Variants in MPPED1 observed in about 807,000 individuals in gnomAD.
MPPED1 encodes the protein metallophosphoesterase domain-containing protein 1.
Under a neutral mutation model 36.2 loss-of-function variants are expected in MPPED1, and 16 were observed. The observed-to-expected ratio is 0.44, with a 90% confidence interval of 0.30 to 0.67. The LOEUF (loss-of-function observed/expected upper bound fraction) is 0.67, where lower values mean the gene tolerates loss of function less well. Ranked by LOEUF, MPPED1 falls within the 30% of genes least tolerant of loss-of-function variation. The probability of loss-of-function intolerance (pLI) is 0.10; values close to 1 mark genes in which losing one functional copy is unlikely to be tolerated. For missense variants in MPPED1, 307 were observed against 453.4 expected, an observed-to-expected ratio of 0.68 and a Z score of 2.93; for synonymous variants, 199 against 191.3, an observed-to-expected ratio of 1.04 and a Z score of -0.33.
At chr22:43,453,821 T>G (rs1227035936) in intron 3 of MPPED1, among the ~76,000 whole-genome samples, 1 of 152,168 alleles carries the variant, frequency 6.6e-6, no homozygotes, top group African/African-American at 2.4e-5. Flanking sequence ...CATTTTAGTC[T>G]TTTAAAAGTG....
At chr22:43,487,067 C>A (rs893051463) in intron 4 of MPPED1, among the ~76,000 whole-genome samples, 1 of 152,128 alleles carries the variant, frequency 6.6e-6, no homozygotes, top group African/African-American at 2.4e-5. Flanking sequence ...GGGTAGAGCA[C>A]CTGCTTGTTC....
chr22:43,441,513 G>A (rs1017058215), intron 3 of MPPED1, among the ~76,000 whole-genome samples: 1 of 152,192 alleles, frequency 6.6e-6, no homozygotes, highest in African/African-American at 2.4e-5. Flanking sequence ...GTGCCCAGGG[G>A]TGTTTGTTGT....
intron 5 of MPPED1, 76 bp downstream of exon 5, chr22:43,498,426 G>A (rs1932501967): frequency 8.1e-7 from 1 of 1,228,588 alleles, no homozygotes; most frequent in Non-Finnish European, 1.1e-6. Flanking sequence ...GGGGCTGGCT[G>A]GGCCTGTATA....
chr22:43,475,860 G>T (rs1931555526), intron 4 of MPPED1, among the ~76,000 whole-genome samples: 1 of 142,030 alleles, frequency 7.0e-6, no homozygotes, highest in African/African-American at 2.6e-5. Context: ...TGGTGATGAT[G>T]ATGGCGATGC....
intron 3 of MPPED1, among the ~76,000 whole-genome samples, chr22:43,452,277 G>A (rs1420776401): frequency 2.6e-5 from 4 of 152,036 alleles, no homozygotes; most frequent in African/African-American, 9.7e-5. Flanking sequence ...GCCTCCCAAA[G>A]TGCTGGGATT....
chr22:43,452,504 T>C (rs927438540), intron 3 of MPPED1, among the ~76,000 whole-genome samples: 11 of 152,226 alleles, frequency 7.2e-5, no homozygotes, highest in African/African-American at 2.6e-4. Context: ...CAGAACTTAC[T>C]AGGGCCAAGA....
intron 4 of MPPED1, among the ~76,000 whole-genome samples, chr22:43,475,689 GTGA>G (rs1305945306): frequency 8.1e-5 from 11 of 135,804 alleles, no homozygotes; most frequent in East Asian, 4.6e-4. Context: ...TGTGGTGATG[GTGA>G]TGATGGTGGT....
At chr22:43,466,328 G>C (rs1172843399) in intron 3 of MPPED1, among the ~76,000 whole-genome samples, 1 of 152,090 alleles carries the variant, frequency 6.6e-6, no homozygotes, top group African/African-American at 2.4e-5. Flanking sequence ...TATCTGGGGT[G>C]TTGTGGCACC....
chr22:43,469,802 T>C (rs1931304163), intron 3 of MPPED1, among the ~76,000 whole-genome samples: 1 of 152,112 alleles, frequency 6.6e-6, no homozygotes. Flanking sequence ...TAGCTAAGGA[T>C]GGATTGATTG....
intron 5 of MPPED1, among the ~76,000 whole-genome samples, chr22:43,500,379 GTGGTGA>G (rs1932685022): frequency 6.7e-6 from 1 of 150,292 alleles, no homozygotes; most frequent in Non-Finnish European, 1.5e-5. Context: ...GGGGGTGGTG[GTGGTGA>G]TGGTGATGGA....
chr22:43,497,124 A>AGGT (rs1462723777), intron 4 of MPPED1, among the ~76,000 whole-genome samples: 5 of 145,528 alleles, frequency 3.4e-5, no homozygotes, highest in African/African-American at 5.1e-5. Context: ...GTGGTGATGG[A>AGGT]CGTGGTGGTG....
chr22:43,424,897 C>T lies in MPPED1; in HGVS notation c.-78-11C>T, dbSNP rs180936220. The T allele has an allele frequency of 1.1e-5, 17 of 1,524,972 alleles. No homozygotes were observed. The highest frequency in any genetic ancestry group is 9.6e-5 in the African/African-American group (7 of 72,748). 94.5% of individuals were successfully genotyped at this position (1,524,972 alleles called of 1,614,324 possible). A position where few individuals can be genotyped will look rare whatever the true frequency, so the allele number is the denominator to read the frequency against. On this transcript the variant is annotated splice_polypyrimidine_tract_variant and intron_variant, in intron 1 of 6. Transcript: ENST00000443721. ...GATTAACTGTCGCACGGTTCTGCTC[C>T]GTCTCCTCAGTCTGTTTCCAGGTCT...
intron 4 of MPPED1, among the ~76,000 whole-genome samples, chr22:43,484,047 G>A (rs1049782751): frequency 6.6e-6 from 1 of 152,254 alleles, no homozygotes; most frequent in Non-Finnish European, 1.5e-5. Flanking sequence ...CGGCCTCACG[G>A]CCATTAGGAC....
At chr22:43,441,499 C>G (rs1457397528) in intron 3 of MPPED1, among the ~76,000 whole-genome samples, 5 of 152,112 alleles carry the variant, frequency 3.3e-5, no homozygotes, top group African/African-American at 9.7e-5. Context: ...AGCCTGGTGC[C>G]GAGGTGCCCA....
intron 1 of MPPED1, among the ~76,000 whole-genome samples, chr22:43,423,954 G>C (rs1050573955): frequency 6.6e-6 from 1 of 152,148 alleles, no homozygotes; most frequent in Non-Finnish European, 1.5e-5. Context: ...TCTGACTAAC[G>C]AGGCGTCGGC....
intron 3 of MPPED1, among the ~76,000 whole-genome samples, chr22:43,471,359 A>T (rs1931369824): frequency 6.6e-6 from 1 of 152,048 alleles, no homozygotes. Context: ...TCCCTGCTGC[A>T]GTGTGTTTGG....
intron 3 of MPPED1, among the ~76,000 whole-genome samples, chr22:43,454,232 C>T (rs1350785485): frequency 6.6e-6 from 1 of 152,146 alleles, no homozygotes; most frequent in Admixed American, 6.5e-5. Context: ...TGGTCTCGAA[C>T]TCCTGACCTC....
chr22:43,437,763 A>G (rs1399158185), intron 3 of MPPED1, among the ~76,000 whole-genome samples: 1 of 152,166 alleles, frequency 6.6e-6, no homozygotes, highest in Non-Finnish European at 1.5e-5. Flanking sequence ...TCACCTTGCA[A>G]AATGTAAAGT....
At chr22:43,412,668 CCCAT>C (rs59354174) in intron 1 of MPPED1, among the ~76,000 whole-genome samples, 3,785 of 149,266 alleles carry the variant, frequency 0.025, 167 homozygotes, top group African/African-American at 0.089. Context: ...ATCCCTCCCT[CCCAT>C]CCATCCATCC....
Sources: gnomAD v4.1 joint callset for allele counts (sites outside exome capture counted in the v4.1 genomes callset) on GRCh38, gnomAD v4.1.1 for gene constraint, MANE v1.5 for transcripts, NCBI Gene and HGNC (gene_info 2026-07-23, HGNC 2026-07-21) for gene names.